The following DAB1 variants were observed in gnomAD, a reference collection of about 807,000 sequenced individuals.
The protein encoded by DAB1 is DAB adaptor protein 1, also known as disabled homolog 1.
Under a neutral mutation model 64.6 loss-of-function variants are expected in DAB1, and 15 were observed. The observed-to-expected ratio is 0.23, with a 90% CI of 0.16 to 0.36. The LOEUF is 0.36. Among genes scored for constraint, DAB1 ranks in the 10% least tolerant of loss-of-function variants. DAB1 has a pLI of 1.00. For synonymous variants in DAB1, 235 were observed against 251.9 expected, an observed-to-expected ratio of 0.93 and a Z score of 0.64; for missense variants, 596 against 706.7, an observed-to-expected ratio of 0.84 and a Z score of 1.78.
At chr1:57,473,012 T>C (rs900200222) in intron 7 of DAB1, among the ~76,000 whole-genome samples, 1 of 152,212 alleles carries the variant, frequency 6.6e-6, no homozygotes, top group South Asian at 2.1e-4. Flanking sequence ...TTTCTCCATG[T>C]CATACTGAAT....
intron 3 of DAB1, among the ~76,000 whole-genome samples, chr1:58,384,438 C>A (rs186724148): frequency 6.6e-6 from 1 of 152,282 alleles, no homozygotes; most frequent in East Asian, 1.9e-4. Context: ...TACCAGGGAT[C>A]TGCTGTACAA....
At chr1:58,154,952 C>T (rs889286782) in intron 4 of DAB1, among the ~76,000 whole-genome samples, 2 of 152,154 alleles carry the variant, frequency 1.3e-5, no homozygotes, top group African/African-American at 4.8e-5. Context: ...GCTACTACCC[C>T]TATAAGGAAA....
At chr1:58,101,663 G>T (rs1431683914) in intron 5 of DAB1, among the ~76,000 whole-genome samples, 1 of 152,092 alleles carries the variant, frequency 6.6e-6, no homozygotes, top group Non-Finnish European at 1.5e-5. Flanking sequence ...TCACTAATTT[G>T]ACATATGACT....
intron 1 of DAB1, among the ~76,000 whole-genome samples, chr1:57,383,102 G>A (rs180833631): frequency 5.7e-4 from 87 of 152,182 alleles, no homozygotes; most frequent in African/African-American, 2.0e-3. Context: ...TTGGACTGTA[G>A]TGTTAAATAA....
intron 6 of DAB1, among the ~76,000 whole-genome samples, chr1:57,764,127 A>C (rs1649205975): frequency 6.6e-6 from 1 of 152,172 alleles, no homozygotes; most frequent in African/African-American, 2.4e-5. Flanking sequence ...GGTGCCTGAG[A>C]CTTCACTGAC....
At chr1:57,690,074 A>T (rs1188716364) in intron 6 of DAB1, among the ~76,000 whole-genome samples, 1 of 152,208 alleles carries the variant, frequency 6.6e-6, no homozygotes, top group Non-Finnish European at 1.5e-5. Flanking sequence ...ATGTTGTTGC[A>T]AATGACAGGA....
intron 5 of DAB1, among the ~76,000 whole-genome samples, chr1:58,006,761 C>T (rs144526903): frequency 6.6e-6 from 1 of 152,162 alleles, no homozygotes; most frequent in Non-Finnish European, 1.5e-5. Context: ...TTCCCTCTCT[C>T]GCAAGCACCT....
At chr1:58,027,900 T>C (rs1646917252) in intron 5 of DAB1, among the ~76,000 whole-genome samples, 1 of 152,206 alleles carries the variant, frequency 6.6e-6, no homozygotes, top group Non-Finnish European at 1.5e-5. Flanking sequence ...TTAATTCCCC[T>C]ATGTGGAATT....
intron 2 of DAB1, among the ~76,000 whole-genome samples, chr1:57,226,672 A>AAAAATATATATATATATATATAT (rs747021990): frequency 2.2e-5 from 3 of 136,012 alleles, no homozygotes; most frequent in African/African-American, 9.3e-5. Context: ...TTAAAAAAAA[A>AAAAATATATATATATATATATAT]ATATATATAT....
intron 3 of DAB1, among the ~76,000 whole-genome samples, chr1:58,491,628 A>G (rs1485113315): frequency 1.6e-4 from 24 of 152,186 alleles, no homozygotes; most frequent in Admixed American, 1.2e-3. Flanking sequence ...GTCTCTGATA[A>G]AACAGACTTT....
At chr1:57,080,732 TACAAC>T (rs1261111251) in intron 4 of DAB1, among the ~76,000 whole-genome samples, 1 of 147,674 alleles carries the variant, frequency 6.8e-6, no homozygotes, top group Non-Finnish European at 1.5e-5. Context: ...AAAGAGAAGT[TACAAC>T]ACACACACAC....
chr1:58,284,047 G>T (rs664999), intron 4 of DAB1, among the ~76,000 whole-genome samples: 2 of 152,074 alleles, frequency 1.3e-5, no homozygotes, highest in African/African-American at 2.4e-5. Flanking sequence ...CATAGAATCA[G>T]GGAGAATCTG....
chr1:57,479,753 ATC>A (rs924615520), intron 7 of DAB1, among the ~76,000 whole-genome samples: 5 of 152,068 alleles, frequency 3.3e-5, no homozygotes, highest in African/African-American at 4.8e-5. Flanking sequence ...ATCTTCCTCT[ATC>A]TCTCTGCAGC....
chr1:57,967,853 G>A (rs1645705433), intron 5 of DAB1, among the ~76,000 whole-genome samples: 1 of 152,168 alleles, frequency 6.6e-6, no homozygotes. Flanking sequence ...AAGGACTGAT[G>A]ATAAAGATGT....
rs146930724 is a variant in DAB1 at position 57,808,883 on chromosome 1, T to G, written n.551+75116A>C. The stretch of plus-strand genomic sequence containing the variant: ...ATCCTTTGCTGAACTCGGCTGCTTG[T>G]GAACTAGATTGCAACTCTGTGTGAG... On this transcript the variant is annotated intron_variant and non_coding_transcript_variant, in intron 6 of 20. Coordinates refer to the DAB1 transcript ENST00000485760. 1.1e-3 allele frequency among the ~76,000 whole-genome samples: 161 copies of G among 152,272 alleles called. 1 individual carries two copies. The highest frequency in any genetic ancestry group is 3.5e-3 in the African/African-American group (146 of 41,568).
At chr1:58,324,460 G>A (rs1211761769) in intron 4 of DAB1, among the ~76,000 whole-genome samples, 1 of 152,140 alleles carries the variant, frequency 6.6e-6, no homozygotes, top group Non-Finnish European at 1.5e-5. Context: ...AGTTGCTCTT[G>A]AGAAGACTAA....
chr1:58,335,775 T>C (rs1456260051), intron 4 of DAB1, among the ~76,000 whole-genome samples: 1 of 152,168 alleles, frequency 6.6e-6, no homozygotes, highest in Non-Finnish European at 1.5e-5. Flanking sequence ...ACAGAGGTCA[T>C]GGATTACTCC....
At chr1:57,227,516 CTT>C (rs1553158361) in intron 2 of DAB1, among the ~76,000 whole-genome samples, 19 of 108,112 alleles carry the variant, frequency 1.8e-4, no homozygotes, top group African/African-American at 6.2e-4. Flanking sequence ...GATTTTTTTT[CTT>C]TTGTGTGTGT....
At chr1:57,457,129 A>G (rs1013300847) in intron 7 of DAB1, among the ~76,000 whole-genome samples, 1 of 150,832 alleles carries the variant, frequency 6.6e-6, no homozygotes, top group Non-Finnish European at 1.5e-5. Flanking sequence ...AATCCTGAGC[A>G]CTGCTCCTCA....
Sources: allele counts gnomAD v4.1 joint callset (sites outside exome capture counted in the v4.1 genomes callset), GRCh38; gene constraint gnomAD v4.1.1; transcripts MANE v1.5; gene names NCBI Gene and HGNC (gene_info 2026-07-23, HGNC 2026-07-21).